GLI2: variants seen among roughly 807,000 people sequenced by gnomAD.
GLI2 encodes the protein transcription activator GLI2.
GLI2 carries 22 observed loss-of-function variants against 78.9 expected under a neutral mutation model. The observed-to-expected ratio is 0.28, with a 90% confidence interval of 0.20 to 0.40. The LOEUF (loss-of-function observed/expected upper bound fraction) is 0.40. Ranked by LOEUF, GLI2 falls within the 10% of genes least tolerant of loss-of-function variation. GLI2 has a pLI of 1.00. For synonymous variants in GLI2, 974 were observed against 963.7 expected, an observed-to-expected ratio of 1.01 and a Z score of -0.20; for missense variants, 2,097 against 2,213.2, an observed-to-expected ratio of 0.95 and a Z score of 1.05.
chr2:120,990,650 G>A lies in GLI2; in HGVS notation c.4685G>A (p.Ser1562Asn), dbSNP rs759715103. 1.6e-5 allele frequency: 26 copies of A among 1,612,574 alleles called. No homozygotes were observed. The highest frequency in any genetic ancestry group is 2.1e-5 in the Non-Finnish European group (25 of 1,179,532). ...ATGCTCACCAGCCTCGCCGAGGAGA[G>A]CAAGTTCCTGAACATGATGACCTAG... ...SSMLTSLAEE[S>N]KFLNMMT The change falls in exon 14 of 14, where the codon AGC becomes AAC. Residue 1562 changes from serine (S) to asparagine (N), a missense_variant. Transcript: ENST00000361492.
Position 120,874,278 on chromosome 2 carries a change from G to A in GLI2, c.149-53083G>A, listed in dbSNP as rs557761674. ...GGCTGGCCGGCCCTTTTCAAAAATC[G>A]GCTGGGTGTTATGAAACTTTATTTT... On this transcript the variant is annotated intron_variant, in intron 2 of 13. Transcript: ENST00000361492. Among the ~76,000 whole-genome samples, 278 of 152,276 alleles carry A rather than the reference G, an allele frequency of 1.8e-3. 1 individual carries two copies. Among genetic ancestry groups the A allele is most frequent in the African/African-American group, 6.3e-3 (262 of 41,554 alleles).
At chr2:120,819,945 A>G (rs1685684424) in intron 2 of GLI2, among the ~76,000 whole-genome samples, 1 of 152,132 alleles carries the variant, frequency 6.6e-6, no homozygotes, top group South Asian at 2.1e-4. Flanking sequence ...TTGAGGGATG[A>G]ATACGGGTTC....
intron 3 of GLI2, among the ~76,000 whole-genome samples, chr2:120,947,560 C>T (rs1680771473): frequency 6.6e-6 from 1 of 152,108 alleles, no homozygotes; most frequent in Non-Finnish European, 1.5e-5. Context: ...GTGGGCCTGT[C>T]TCTGGTATTG....
intron 10 of GLI2, 139 bp from the exon 11 acceptor site, chr2:120,982,577 G>A: frequency 1.5e-6 from 1 of 681,972 alleles, no homozygotes; most frequent in South Asian, 2.3e-5. Flanking sequence ...GGAAAGGAAA[G>A]TAATATCCTT....
At chr2:120,741,718 G>A (rs1054638877) in intron 1 of GLI2, among the ~76,000 whole-genome samples, 33 of 152,102 alleles carry the variant, frequency 2.2e-4, no homozygotes, top group African/African-American at 6.7e-4. Flanking sequence ...GGCGCCGACC[G>A]TGCCGCGGCC....
intron 2 of GLI2, among the ~76,000 whole-genome samples, chr2:120,905,151 A>G (rs752309642): frequency 8.6e-5 from 13 of 151,956 alleles, no homozygotes; most frequent in Non-Finnish European, 1.6e-4. Flanking sequence ...TGGCAGCCTC[A>G]GGCTCCCTTG....
At chr2:120,818,321 A>C (rs1397860612) in intron 2 of GLI2, among the ~76,000 whole-genome samples, 2 of 152,208 alleles carry the variant, frequency 1.3e-5, no homozygotes, top group Non-Finnish European at 2.9e-5. Context: ...CTCCAAGAAG[A>C]AAGTAGCATC....
At chr2:120,777,510 C>T (rs374617707) in intron 1 of GLI2, among the ~76,000 whole-genome samples, 2 of 149,694 alleles carry the variant, frequency 1.3e-5, no homozygotes, top group Admixed American at 6.7e-5. Context: ...TGGGGAGGAG[C>T]GCGGCAGGGA....
chr2:120,943,196 A>G (rs1680547903), intron 3 of GLI2, among the ~76,000 whole-genome samples: 1 of 152,170 alleles, frequency 6.6e-6, no homozygotes, highest in Admixed American at 6.5e-5. Context: ...CCGTAGGAGG[A>G]TCCTGACCTT....
chr2:120,899,119 C>T (rs982772421), intron 2 of GLI2, among the ~76,000 whole-genome samples: 12 of 152,196 alleles, frequency 7.9e-5, no homozygotes, highest in Non-Finnish European at 1.2e-4. Context: ...AAGCCTCCTG[C>T]ACCCCGCCAG....
chr2:120,974,033 A>G (rs1161988495), intron 8 of GLI2, among the ~76,000 whole-genome samples: 4 of 152,160 alleles, frequency 2.6e-5, no homozygotes, highest in Admixed American at 6.5e-5. Context: ...GAGCCTGACT[A>G]TACATGTTTT....
intron 2 of GLI2, among the ~76,000 whole-genome samples, chr2:120,862,613 G>A (rs1051291065): frequency 2.0e-5 from 3 of 152,198 alleles, no homozygotes; most frequent in African/African-American, 4.8e-5. Context: ...TAGGTGGGCC[G>A]GTGAGGGTGC....
At chr2:120,975,910 G>T (rs558981391) in intron 9 of GLI2, among the ~76,000 whole-genome samples, 1 of 152,148 alleles carries the variant, frequency 6.6e-6, no homozygotes, top group Non-Finnish European at 1.5e-5. Context: ...TATAAAGGGG[G>T]TTGATGCTAC....
intron 1 of GLI2, among the ~76,000 whole-genome samples, chr2:120,782,846 C>G (rs1683887501): frequency 6.6e-6 from 1 of 152,188 alleles, no homozygotes; most frequent in African/African-American, 2.4e-5. Flanking sequence ...CAAATTCACT[C>G]CCGGTTGAGA....
chr2:120,975,239 A>G, intron 9 of GLI2, 130 bp downstream of exon 9: 1 of 803,152 alleles, frequency 1.2e-6, no homozygotes, highest in Non-Finnish European at 2.0e-6. Context: ...CCTGGGCCAC[A>G]TCCCCTGCAA....
chr2:120,828,861 C>CAAAAA (rs3053863), intron 2 of GLI2, among the ~76,000 whole-genome samples: 45,248 of 125,640 alleles, frequency 0.36, 9,443 homozygotes, highest in Non-Finnish European at 0.44. Context: ...CTTCCAACTC[C>CAAAAA]AAAAAAAAAA....
chr2:120,990,798 T>C lies in GLI2; in HGVS notation c.*123T>C. 2 of 702,912 alleles carry C rather than the reference T, an allele frequency of 2.8e-6. No individual in the cohort carries two copies. Among genetic ancestry groups the C allele is most frequent in the South Asian group, 3.7e-5 (2 of 54,652 alleles). The allele number at this position is 702,912 out of a possible 1,614,324, so 43.5% of individuals were successfully genotyped here. A position where few individuals can be genotyped will look rare whatever the true frequency, so the allele number is the denominator to read the frequency against. Reference sequence around the variant, plus strand: ...ATAGGCTTGAGGGGTTGTTGCGCAATGGCCGCTTCAGATGACAGATGTTGT... The same window carrying C: ...ATAGGCTTGAGGGGTTGTTGCGCAACGGCCGCTTCAGATGACAGATGTTGT... On this transcript the variant is annotated 3_prime_UTR_variant, in exon 14 of 14. Transcript: ENST00000361492.
At chr2:120,749,849 C>T (rs1444688613) in intron 1 of GLI2, among the ~76,000 whole-genome samples, 4 of 152,174 alleles carry the variant, frequency 2.6e-5, no homozygotes, top group Non-Finnish European at 5.9e-5. Context: ...GACCAAGTGC[C>T]GCATCAGCCC....
chr2:120,851,761 G>A (rs1044177767), intron 2 of GLI2, among the ~76,000 whole-genome samples: 1 of 152,234 alleles, frequency 6.6e-6, no homozygotes, highest in African/African-American at 2.4e-5. Context: ...TTCCTGTGAG[G>A]AAGAATAGAC....
Sources: gnomAD v4.1 joint callset for allele counts (sites outside exome capture counted in the v4.1 genomes callset) on GRCh38, gnomAD v4.1.1 for gene constraint, MANE v1.5 for transcripts, NCBI Gene and HGNC (gene_info 2026-07-23, HGNC 2026-07-21) for gene names.